Variants in SLC24A3 observed in about 807,000 individuals in gnomAD.
SLC24A3 encodes solute carrier family 24 member 3.
SLC24A3 carries 28 observed loss-of-function variants against 75.8 expected under a neutral mutation model. The ratio of observed to expected loss-of-function variants is 0.37; its 90% CI spans 0.27 to 0.51. SLC24A3 has a LOEUF of 0.51. Ranked by LOEUF, SLC24A3 falls within the 20% of genes least tolerant of loss-of-function variation. SLC24A3 has a pLI of 0.94. For synonymous variants in SLC24A3, 372 were observed against 334.1 expected (o/e 1.11, Z -1.24); for missense variants, 663 against 847.8 (o/e 0.78, Z 2.71).
chr20:19,227,526 T>A lies in SLC24A3; in HGVS notation c.142+14542T>A, dbSNP rs527454622. 3.9e-5 allele frequency among the ~76,000 whole-genome samples: 6 copies of A among 152,322 alleles called. No homozygotes were observed. The South Asian group carries it at 1.0e-3, about 26-fold the overall frequency. ...GTATTTATTCACCATTTGTATGGTT[T>A]ACTTTTTAAAAAATTTAACTCTTTA... On this transcript the variant is annotated intron_variant, in intron 1 of 16. Coordinates refer to ENST00000328041, the MANE Select transcript of SLC24A3 (RefSeq NM_020689.4).
chr20:19,686,162 C>G (rs548213297), intron 12 of SLC24A3, among the ~76,000 whole-genome samples: 1 of 152,276 alleles, frequency 6.6e-6, no homozygotes, highest in African/African-American at 2.4e-5. Flanking sequence ...GAAGAAATGC[C>G]CATGACCCGT....
chr20:19,494,755 C>A (rs1352576233), intron 2 of SLC24A3, among the ~76,000 whole-genome samples: 1 of 152,098 alleles, frequency 6.6e-6, no homozygotes, highest in Non-Finnish European at 1.5e-5. Flanking sequence ...GATTAAGAGG[C>A]AAATCTTGCT....
At chr20:19,289,710 A>G (rs898258744) in intron 2 of SLC24A3, among the ~76,000 whole-genome samples, 4 of 151,782 alleles carry the variant, frequency 2.6e-5, no homozygotes, top group South Asian at 2.1e-4. Context: ...CCATGTCTCT[A>G]CTCCCTGGGG....
At chr20:19,274,970 G>A (rs1333635250) in intron 1 of SLC24A3, among the ~76,000 whole-genome samples, 4 of 152,180 alleles carry the variant, frequency 2.6e-5, no homozygotes, top group Non-Finnish European at 5.9e-5. Context: ...TTCTTGTGCC[G>A]TTAACTGAGT....
chr20:19,255,084 A>G (rs1982772764), intron 1 of SLC24A3, among the ~76,000 whole-genome samples: 1 of 152,214 alleles, frequency 6.6e-6, no homozygotes, highest in South Asian at 2.1e-4. Flanking sequence ...TCCATGTGGC[A>G]ATATTATTTA....
chr20:19,259,204 G>T (rs1399340846), intron 1 of SLC24A3, among the ~76,000 whole-genome samples: 1 of 152,184 alleles, frequency 6.6e-6, no homozygotes, highest in Non-Finnish European at 1.5e-5. Context: ...CACACTGCAG[G>T]TCTAAGAGGA....
intron 4 of SLC24A3, among the ~76,000 whole-genome samples, chr20:19,580,624 G>T (rs1243258045): frequency 6.6e-6 from 1 of 152,146 alleles, no homozygotes; most frequent in Admixed American, 6.5e-5. Context: ...GTGCATGCCA[G>T]GCTGAACAGC....
intron 2 of SLC24A3, among the ~76,000 whole-genome samples, chr20:19,427,313 C>G (rs1987026620): frequency 6.6e-6 from 1 of 152,282 alleles, no homozygotes; most frequent in South Asian, 2.1e-4. Context: ...TGTCCCCAGA[C>G]TCGGACACAC....
intron 9 of SLC24A3, among the ~76,000 whole-genome samples, chr20:19,676,141 T>G (rs2032520764): frequency 6.6e-6 from 1 of 152,194 alleles, no homozygotes; most frequent in Non-Finnish European, 1.5e-5. Context: ...AAAACAGATG[T>G]GGCCAGAGAG....
At chr20:19,576,297 T>C (rs897469888) in intron 3 of SLC24A3, among the ~76,000 whole-genome samples, 1 of 152,228 alleles carries the variant, frequency 6.6e-6, no homozygotes, top group Non-Finnish European at 1.5e-5. Context: ...TTGTGCTAGT[T>C]GTATTAATAG....
chr20:19,401,793 G>A (rs962203037), intron 2 of SLC24A3, among the ~76,000 whole-genome samples: 4 of 152,090 alleles, frequency 2.6e-5, no homozygotes, highest in Non-Finnish European at 5.9e-5. Context: ...TGATGACTGC[G>A]GGAATTGGTG....
chr20:19,450,855 C>T (rs959865994), intron 2 of SLC24A3, among the ~76,000 whole-genome samples: 1 of 151,932 alleles, frequency 6.6e-6, no homozygotes, highest in Non-Finnish European at 1.5e-5. Context: ...AAAAATTAGC[C>T]GGGCACGTTG....
At chr20:19,478,738 G>C (rs73130605) in intron 2 of SLC24A3, among the ~76,000 whole-genome samples, 2 of 152,158 alleles carry the variant, frequency 1.3e-5, no homozygotes, top group African/African-American at 4.8e-5. Context: ...TAGATAAGTC[G>C]AGGCTCACCA....
chr20:19,413,139 C>T (rs994414815), intron 2 of SLC24A3, among the ~76,000 whole-genome samples: 1 of 152,148 alleles, frequency 6.6e-6, no homozygotes, highest in African/African-American at 2.4e-5. Flanking sequence ...TTGAGAAAGA[C>T]CAAACCCAGA....
intron 2 of SLC24A3, among the ~76,000 whole-genome samples, chr20:19,360,057 T>C (rs909406359): frequency 6.6e-6 from 1 of 152,146 alleles, no homozygotes; most frequent in African/African-American, 2.4e-5. Flanking sequence ...GGCAGAAAGA[T>C]GCAGGAAGCC....
intron 1 of SLC24A3, among the ~76,000 whole-genome samples, chr20:19,251,925 C>G (rs1391216607): frequency 6.6e-6 from 1 of 152,124 alleles, no homozygotes; most frequent in Non-Finnish European, 1.5e-5. Context: ...TGATGGTGAT[C>G]AGAGTTAAGT....
chr20:19,465,569 A>G (rs1460339625), intron 2 of SLC24A3, among the ~76,000 whole-genome samples: 2 of 152,108 alleles, frequency 1.3e-5, no homozygotes, highest in African/African-American at 4.8e-5. Context: ...ATTCTATAGA[A>G]CAGGATCCAT....
intron 1 of SLC24A3, among the ~76,000 whole-genome samples, chr20:19,235,749 G>T (rs1237490911): frequency 1.3e-5 from 2 of 152,136 alleles, no homozygotes; most frequent in South Asian, 4.1e-4. Flanking sequence ...ATGCTGGCAG[G>T]TGCATCCCCT....
chr20:19,581,712 C>T (rs142524029), intron 4 of SLC24A3, among the ~76,000 whole-genome samples: 36 of 152,250 alleles, frequency 2.4e-4, no homozygotes, highest in African/African-American at 8.7e-4. Context: ...AACAAGGAAA[C>T]CAGAGCTTAG....
Sources: allele counts gnomAD v4.1 joint callset (sites outside exome capture counted in the v4.1 genomes callset), GRCh38; gene constraint gnomAD v4.1.1; transcripts MANE v1.5; gene names NCBI Gene and HGNC (gene_info 2026-07-23, HGNC 2026-07-21).